SUMF1: variants seen among roughly 807,000 people sequenced by gnomAD.
SUMF1 encodes the protein sulfatase modifying factor 1, also known as formylglycine-generating enzyme.
SUMF1 carries 48 observed loss-of-function variants against 47.6 expected under a neutral mutation model. The ratio of observed to expected loss-of-function variants is 1.01; its 90% CI spans 0.80 to 1.28. SUMF1 has a LOEUF of 1.28. Among genes scored for constraint, SUMF1 ranks in the 50% most tolerant of loss-of-function variants. The pLI, the probability that SUMF1 is intolerant of heterozygous loss-of-function variation, is 0.00. For synonymous variants in SUMF1, 230 were observed against 192.1 expected (o/e 1.20, Z -1.63); for missense variants, 571 against 485.4 (o/e 1.18, Z -1.66).
At chr3:4,220,149 G>A (rs572429887) in intron 8 of SUMF1, among the ~76,000 whole-genome samples, 1 of 151,936 alleles carries the variant, frequency 6.6e-6, no homozygotes, top group South Asian at 2.1e-4. Flanking sequence ...CTTCACCCAG[G>A]CTCCATTAGA....
At chr3:4,379,761 G>C (rs1354199470) in intron 7 of SUMF1, among the ~76,000 whole-genome samples, 1 of 142,816 alleles carries the variant, frequency 7.0e-6, no homozygotes, top group Non-Finnish European at 1.5e-5. Flanking sequence ...AGAATCACTT[G>C]AATCCGCGAG....
intron 8 of SUMF1, among the ~76,000 whole-genome samples, chr3:4,158,917 T>G (rs1694512771): frequency 6.6e-6 from 1 of 151,604 alleles, no homozygotes; most frequent in Non-Finnish European, 1.5e-5. Context: ...TCGTTGAGTC[T>G]CTTTTTTTAT....
intron 7 of SUMF1, among the ~76,000 whole-genome samples, chr3:4,383,771 T>A (rs1042644794): frequency 2.0e-5 from 3 of 152,202 alleles, no homozygotes; most frequent in Non-Finnish European, 4.4e-5. Context: ...GAACATGAAG[T>A]GCATGTTGCC....
intron 8 of SUMF1, among the ~76,000 whole-genome samples, chr3:4,266,027 A>G (rs1697186997): frequency 1.3e-5 from 2 of 152,106 alleles, no homozygotes; most frequent in Admixed American, 6.6e-5. Context: ...TTTGTCAAAG[A>G]TCAGATAGTT....
intron 8 of SUMF1, among the ~76,000 whole-genome samples, chr3:4,091,087 C>A (rs1186570034): frequency 2.8e-5 from 4 of 142,772 alleles, no homozygotes; most frequent in African/African-American, 1.2e-4. Flanking sequence ...TAAAAAACAA[C>A]AACAACAACA....
intron 1 of SUMF1, among the ~76,000 whole-genome samples, chr3:4,462,561 G>A (rs556739954): frequency 6.6e-5 from 10 of 152,136 alleles, no homozygotes; most frequent in African/African-American, 2.2e-4. Flanking sequence ...ACTTGCTACC[G>A]TAAGATTTTT....
intron 8 of SUMF1, among the ~76,000 whole-genome samples, chr3:4,243,422 C>T (rs1696589896): frequency 2.0e-5 from 3 of 152,134 alleles, no homozygotes; most frequent in Admixed American, 1.3e-4. Context: ...TCCCTCTATA[C>T]ACTGCTTTAA....
intron 8 of SUMF1, among the ~76,000 whole-genome samples, chr3:4,167,207 G>T (rs953351597): frequency 2.6e-5 from 4 of 152,166 alleles, no homozygotes; most frequent in South Asian, 2.1e-4. Flanking sequence ...GCAGCCGCAA[G>T]ATTTATTGTG....
At chr3:4,184,176 C>A (rs1014243579) in intron 8 of SUMF1, among the ~76,000 whole-genome samples, 2 of 151,448 alleles carry the variant, frequency 1.3e-5, no homozygotes, top group African/African-American at 4.9e-5. Flanking sequence ...GCAAAAGAGC[C>A]CAAGTGTGGT....
intron 8 of SUMF1, chr3:4,313,578 T>G (rs1204992366): frequency 5.0e-6 from 8 of 1,614,066 alleles, no homozygotes; most frequent in Non-Finnish European, 6.8e-6. Flanking sequence ...AAAGGCTAGA[T>G]CATGGGAAAC....
chr3:4,078,133 C>T (rs1041952664), intron 8 of SUMF1, among the ~76,000 whole-genome samples: 2 of 152,100 alleles, frequency 1.3e-5, no homozygotes, highest in African/African-American at 4.8e-5. Context: ...CTGTTCCCCA[C>T]TGAGCCGAAA....
chr3:4,426,951 G>GT (rs1702086378), intron 3 of SUMF1, among the ~76,000 whole-genome samples: 1 of 152,174 alleles, frequency 6.6e-6, no homozygotes, highest in Non-Finnish European at 1.5e-5. Flanking sequence ...TAGGACCCAC[G>GT]TGAGTTTTGA....
At chr3:4,270,403 C>G (rs2125034952) in intron 8 of SUMF1, among the ~76,000 whole-genome samples, 1 of 152,040 alleles carries the variant, frequency 6.6e-6, no homozygotes, top group South Asian at 2.1e-4. Context: ...TTTGCTCTCT[C>G]TCTCTTTCTC....
rs571903025 is a variant in SUMF1 at position 4,254,691 on chromosome 3, C to A, written c.1014+121639G>T. On this transcript the variant is annotated intron_variant and NMD_transcript_variant, in intron 8 of 12. Coordinates refer to the SUMF1 transcript ENST00000448413. The stretch of plus-strand genomic sequence containing the variant: ...TGGAACCAAGTTGGAAAACACTCTG[C>A]AGGAAATTATCCAGGAGAACTTCCC... 4.7e-5 allele frequency among the ~76,000 whole-genome samples: 7 copies of A among 149,732 alleles called. No homozygotes were observed. In the South Asian group the frequency reaches 1.5e-3, roughly 32 times the overall value.
At chr3:4,459,228 A>G (rs139864125) in intron 1 of SUMF1, among the ~76,000 whole-genome samples, 1 of 152,318 alleles carries the variant, frequency 6.6e-6, no homozygotes, top group Non-Finnish European at 1.5e-5. Context: ...ATGTGAGCTG[A>G]TGGATTTGTT....
intron 8 of SUMF1, among the ~76,000 whole-genome samples, chr3:4,151,488 T>C (rs1007571118): frequency 8.2e-5 from 12 of 145,950 alleles, no homozygotes; most frequent in African/African-American, 3.1e-4. Flanking sequence ...TATATGTGTA[T>C]ATATACGTAT....
At chr3:4,253,337 T>A (rs561297414) in intron 8 of SUMF1, among the ~76,000 whole-genome samples, 1 of 152,294 alleles carries the variant, frequency 6.6e-6, no homozygotes, top group Admixed American at 6.5e-5. Context: ...TTTCTGCATT[T>A]CCATCTGAGG....
chr3:4,433,052 A>C (rs4685749), intron 3 of SUMF1, among the ~76,000 whole-genome samples: 13,967 of 152,178 alleles, frequency 0.092, 938 homozygotes, highest in East Asian at 0.31. Context: ...GATAATTCTG[A>C]AAGTTTCATC....
At chr3:4,309,183 T>A (rs2125086369) in intron 8 of SUMF1, among the ~76,000 whole-genome samples, 1 of 152,302 alleles carries the variant, frequency 6.6e-6, no homozygotes, top group South Asian at 2.1e-4. Flanking sequence ...AGCCTCCAGG[T>A]AGCAGGCTTC....
Sources: allele counts gnomAD v4.1 joint callset (sites outside exome capture counted in the v4.1 genomes callset), GRCh38; gene constraint gnomAD v4.1.1; transcripts MANE v1.5; gene names NCBI Gene and HGNC (gene_info 2026-07-23, HGNC 2026-07-21).